Variants in ITGAE observed in about 807,000 individuals in gnomAD.
ITGAE encodes the protein integrin alpha-E.
Under a neutral mutation model 136.5 loss-of-function variants are expected in ITGAE, and 99 were observed. The ratio of observed to expected loss-of-function variants is 0.73; its 90% CI spans 0.62 to 0.86. The LOEUF (loss-of-function observed/expected upper bound fraction) is 0.86. ITGAE is among the 40% of genes least tolerant of loss of function. ITGAE has a pLI of 0.00. For missense variants in ITGAE, 1,447 were observed against 1,515.3 expected (o/e 0.95, Z 0.75); for synonymous variants, 613 against 591.8 (o/e 1.04, Z -0.52).
intron 1 of ITGAE, among the ~76,000 whole-genome samples, chr17:3,792,819 T>C (rs2052975440): frequency 6.6e-6 from 1 of 152,152 alleles, no homozygotes; most frequent in Non-Finnish European, 1.5e-5. Context: ...TCCACAAAAT[T>C]CAAAAAACAA....
chr17:3,761,481 T>A lies in ITGAE; in HGVS notation c.355A>T (p.Ser119Cys). 1 of 1,613,952 alleles carries A rather than the reference T, an allele frequency of 6.2e-7. No homozygotes were observed. Among genetic ancestry groups the A allele is most frequent in the South Asian group, 1.1e-5 (1 of 91,066 alleles). ...QVLVRRPHSL[S>C]SELTGTCSLL... ...CTACAGGTGCCTGTGAGTTCTGAGC[T>A]GAGGCTGTGAGGCCGCCGGACCAGC... Residue 119 changes from serine to cysteine, a missense_variant, in exon 5 of 31, where the codon AGC becomes TGC. By Grantham distance (112) the Ser-to-Cys change is moderately radical (BLOSUM62 -1). Coordinates refer to ENST00000263087, the MANE Select transcript of ITGAE (RefSeq NM_002208.5).
In ITGAE at chr17:3,755,064, AGGCCCCGCCCTCATCAGGT is replaced by A. The variant is rs3833165; in HGVS notation, c.1384+34_1384+52del. 1.2e-3 allele frequency: 915 copies of A among 752,404 alleles called. 4 individuals are homozygous for A. The highest frequency in any genetic ancestry group is 9.5e-3 in the South Asian group (565 of 59,608). The allele number at this position is 752,404 out of a possible 1,614,324, so 46.6% of individuals were successfully genotyped here. On this transcript the variant is annotated intron_variant, in intron 12 of 30. Transcript: ENST00000263087. ...CCCCACCCTCGCCCAGGGAGCCTCC[AGGCCCCGCCCTCATCAGGT>A]GGCCCCGCCCTCATCAGGTGGCCCC...
intron 29 of ITGAE, among the ~76,000 whole-genome samples, chr17:3,719,252 A>AAAAG (rs1555572872): frequency 1.4e-3 from 187 of 130,156 alleles, no homozygotes; most frequent in Middle Eastern, 3.8e-3. Flanking sequence ...AAAAAAAAAA[A>AAAAG]AAAAGAAAAG....
At chr17:3,767,192 G>C (rs556313467) in intron 2 of ITGAE, among the ~76,000 whole-genome samples, 1 of 152,080 alleles carries the variant, frequency 6.6e-6, no homozygotes, top group African/African-American at 2.4e-5. Context: ...CACCTCCTGG[G>C]TTCAGGCGAT....
rs778303348 is a variant in ITGAE, at chr17:3,761,969, G to A, written c.261C>T (p.Ile87=). Residue 87 remains isoleucine, a synonymous_variant, in exon 4 of 31, where the codon ATC becomes ATT. Coordinates refer to ENST00000263087, the MANE Select transcript of ITGAE (RefSeq NM_002208.5). The part of the protein sequence containing the change: ...ILCHPVEHVP[I]PKGRHRGVTV... ...TCACTCCCCGGTGCCTCCCCTTGGG[G>A]ATGGGGACATGCTCTGAAAAAGTTA... 1.6e-4 allele frequency: 256 copies of A among 1,613,746 alleles called. No homozygotes were observed. Among genetic ancestry groups the A allele is most frequent in the Non-Finnish European group, 2.1e-4 (249 of 1,179,938 alleles).
intron 2 of ITGAE, among the ~76,000 whole-genome samples, chr17:3,772,190 G>A (rs900826838): frequency 3.3e-5 from 5 of 152,040 alleles, no homozygotes; most frequent in Non-Finnish European, 7.4e-5. Flanking sequence ...CCTAGTAGAC[G>A]CTGATGAACA....
At chr17:3,769,462 G>A (rs539279046) in intron 2 of ITGAE, among the ~76,000 whole-genome samples, 1 of 152,242 alleles carries the variant, frequency 6.6e-6, no homozygotes, top group East Asian at 1.9e-4. Flanking sequence ...ACATGGCCTG[G>A]GGCCCTCTGA....
In ITGAE at chr17:3,759,435, A is replaced by T; in HGVS notation, c.833T>A (p.Val278Asp). The T allele has an allele frequency of 6.2e-7, 1 of 1,614,110 alleles. No individual in the cohort carries two copies. Among genetic ancestry groups the T allele is most frequent in the Non-Finnish European group, 8.5e-7 (1 of 1,180,006 alleles). Reference protein sequence around the residue: ...RVQNITQVGSVTKTASAMQHV... With the variant: ...RVQNITQVGSDTKTASAMQHV... ...TTGCATGGCTGAGGCAGTCTTGGTG[A>T]CACTCCCCACTTGAGTGATGTTCTG... is the stretch of plus-strand genomic sequence containing the variant. Residue 278 changes from valine to aspartate, a missense_variant, in exon 8 of 31, where the codon GTC becomes GAC. Val to Asp is a radical substitution (Grantham distance 152). This residue lies in a region of ITGAE where 310 missense variants were observed against 416.1 expected (regional missense o/e 0.74). Transcript: ENST00000263087.
chr17:3,725,590 G>T, intron 26 of ITGAE: 2 of 1,614,116 alleles, frequency 1.2e-6, no homozygotes, highest in Non-Finnish European at 1.7e-6. Flanking sequence ...GTGTGCAACC[G>T]CACAGAAGGC....
rs751243463 is a variant in ITGAE at position 3,755,097 on chromosome 17, T to C, written c.1384+20A>G. 5 of 1,475,586 alleles carry C rather than the reference T, an allele frequency of 3.4e-6. No homozygotes were observed. Among genetic ancestry groups the C allele is most frequent in the Non-Finnish European group, 3.6e-6 (4 of 1,105,932 alleles). The allele number at this position is 1,475,586 out of a possible 1,614,324, so 91.4% of individuals were successfully genotyped here. On this transcript the variant is annotated intron_variant, in intron 12 of 30. Coordinates refer to ENST00000263087, the MANE Select transcript of ITGAE (RefSeq NM_002208.5). ...CCCTCATCAGGTGGCCCCGCCCTCA[T>C]CAGGTGGCCCCGCCCTCACCCAGGT...
intron 1 of ITGAE, among the ~76,000 whole-genome samples, chr17:3,795,051 G>T (rs16953469): frequency 0.015 from 2,217 of 152,240 alleles, 64 homozygotes; most frequent in African/African-American, 0.051. Context: ...CGTCTTTTGT[G>T]GCCCTGCTCA....
At chr17:3,724,154 C>G in intron 26 of ITGAE, 1 of 1,594,950 alleles carries the variant, frequency 6.3e-7, no homozygotes, top group Non-Finnish European at 8.5e-7. Flanking sequence ...ACTTCCCCGG[C>G]AGCCCGGTGA....
chr17:3,723,346 G>A lies in ITGAE; in HGVS notation c.3179C>T (p.Ala1060Val), dbSNP rs754971449. The A allele has an allele frequency of 6.2e-7, 1 of 1,613,992 alleles. No homozygotes were observed. Among genetic ancestry groups the A allele is most frequent in the Non-Finnish European group, 8.5e-7 (1 of 1,179,848 alleles). Residue 1060 changes from alanine to valine, a missense_variant, in exon 28 of 31, where the codon GCT (alanine) becomes GTT (valine). Physicochemically the swap from Ala to Val is moderately conservative, Grantham distance 64. Coordinates refer to ENST00000263087, the MANE Select transcript of ITGAE (RefSeq NM_002208.5). ...EEWHSVSCVI[A>V]SDKENVTVAA... Reference sequence around the variant, plus strand: ...CACGGTGACATTTTCTTTATCTGAAGCGATGACACAGCTCACTGAATGCCA... The same window carrying A: ...CACGGTGACATTTTCTTTATCTGAAACGATGACACAGCTCACTGAATGCCA...
intron 7 of ITGAE, 112 bp downstream of exon 7, chr17:3,760,060 C>A (rs1416822557): frequency 1.4e-6 from 1 of 691,902 alleles, no homozygotes; most frequent in South Asian, 1.8e-5. Context: ...CCAGCTGAGC[C>A]CAGCCCAAGT....
Position 3,774,696 on chromosome 17 carries a change from C to T in ITGAE, c.155+2844G>A, listed in dbSNP as rs143695422. Among the ~76,000 whole-genome samples, 312 of 152,146 alleles carry T rather than the reference C, an allele frequency of 2.1e-3. 2 individuals are homozygous for T. Among genetic ancestry groups the T allele is most frequent in the African/African-American group, 6.0e-3 (249 of 41,506 alleles). On this transcript the variant is annotated intron_variant, in intron 2 of 30. Coordinates refer to ENST00000263087, the MANE Select transcript of ITGAE (RefSeq NM_002208.5). ...AGGAGAATCACTTGAACCCAGGAGG[C>T]GGAGGTTGCAGTGAGCTGAGATTAC...
rs760093365 is a variant in ITGAE, at chr17:3,747,996, G to A, written c.2081C>T (p.Pro694Leu). Residue 694 changes from proline (P) to leucine (L), a missense_variant, in exon 17 of 31, where the codon CCC becomes CTC. Physicochemically the swap from Pro to Leu is moderately conservative, Grantham distance 98 (BLOSUM62 -3). Around this residue, in one of 3 missense-constraint regions of ITGAE, gnomAD observed 1,031 missense variants for 1,011.4 expected, o/e 1.02. Coordinates refer to ENST00000263087, the MANE Select transcript of ITGAE (RefSeq NM_002208.5). ...VSMAFTPSAL[P>L]IGFNGVVNVR... is the part of the protein sequence containing the mutation. Reference sequence around the variant, plus strand: ...ATTCACGACGCCGTTGAAGCCGATGGGCAGTGCGCTGGGGGTGAAGGCCAT... The same window carrying A: ...ATTCACGACGCCGTTGAAGCCGATGAGCAGTGCGCTGGGGGTGAAGGCCAT... 56 of 1,613,298 alleles carry A rather than the reference G, an allele frequency of 3.5e-5. No individual in the cohort carries two copies. Among genetic ancestry groups the A allele is most frequent in the Non-Finnish European group, 4.7e-5 (55 of 1,179,562 alleles).
Position 3,747,957 on chromosome 17 carries a change from A to C in ITGAE, c.2120T>G (p.Phe707Cys), listed in dbSNP as rs1204780904. The C allele has an allele frequency of 3.1e-6, 5 of 1,610,234 alleles. No homozygotes were observed. Among genetic ancestry groups the C allele is most frequent in the Non-Finnish European group, 4.2e-6 (5 of 1,177,550 alleles). The change falls in exon 17 of 31, where the codon TTT (phenylalanine) becomes TGT (cysteine). Residue 707 changes from phenylalanine to cysteine, a missense_variant. Coordinates refer to ENST00000263087, the MANE Select transcript of ITGAE (RefSeq NM_002208.5). Reference sequence around the variant, plus strand: ...GGCTGTGGTTACAGAGCTGATTTCAAAACATAAACGGACATTCACGACGCC... The same window carrying C: ...GGCTGTGGTTACAGAGCTGATTTCACAACATAAACGGACATTCACGACGCC... ...FNGVVNVRLC[F>C]EISSVTTASE...
intron 22 of ITGAE, 91 bp from the exon 23 acceptor site, chr17:3,731,274 C>T (rs1006721231): frequency 1.4e-5 from 12 of 886,786 alleles, no homozygotes; most frequent in East Asian, 1.0e-4. Flanking sequence ...ACCTAGGAGA[C>T]GATTCCTCAG....
Position 3,732,007 on chromosome 17 carries a change from C to T in ITGAE, c.2754+361G>A, listed in dbSNP as rs987945744. 4.6e-5 allele frequency among the ~76,000 whole-genome samples: 7 copies of T among 152,036 alleles called. No homozygotes were observed. The East Asian group carries it at 1.4e-3, about 29-fold the overall frequency. On this transcript the variant is annotated intron_variant, in intron 22 of 30. Coordinates refer to ENST00000263087, the MANE Select transcript of ITGAE (RefSeq NM_002208.5). Reference sequence around the variant, plus strand: ...AGGAGAATCACTTGAACCCGGGAGGCGGAGGTTGCAGTGAGCTGAGACTGT... The same window carrying T: ...AGGAGAATCACTTGAACCCGGGAGGTGGAGGTTGCAGTGAGCTGAGACTGT...
Sources: gnomAD v4.1 joint callset for allele counts (sites outside exome capture counted in the v4.1 genomes callset) on GRCh38, gnomAD v4.1.1 for gene constraint, gnomAD v4.1.1 regional missense constraint, MANE v1.5 for transcripts, NCBI Gene and HGNC (gene_info 2026-07-23, HGNC 2026-07-21) for gene names.